UGGT2: variants seen among roughly 807,000 people sequenced by gnomAD.
UGGT2 encodes UDP-glucose:glycoprotein glucosyltransferase 2.
In UGGT2, 180 loss-of-function variants were observed where a neutral mutation model predicts 192.1. That is an observed-to-expected ratio of 0.94 (90% CI 0.83 to 1.06). UGGT2 has a LOEUF of 1.06. Ranked by LOEUF, UGGT2 falls within the 50% of genes least tolerant of loss-of-function variation. The pLI, the probability that UGGT2 is intolerant of heterozygous loss-of-function variation, is 0.00. For synonymous variants in UGGT2, 580 were observed against 591.0 expected, an observed-to-expected ratio of 0.98 and a Z score of 0.27; for missense variants, 1,849 against 1,795.7, an observed-to-expected ratio of 1.03 and a Z score of -0.54.
chr13:95,889,660 T>C (rs2047745100), intron 25 of UGGT2, among the ~76,000 whole-genome samples: 1 of 152,222 alleles, frequency 6.6e-6, no homozygotes, highest in South Asian at 2.1e-4. Context: ...CTAATTTGAA[T>C]GTTTGACATT....
At chr13:95,886,373 G>A (rs1446012932) in intron 26 of UGGT2, among the ~76,000 whole-genome samples, 1 of 152,120 alleles carries the variant, frequency 6.6e-6, no homozygotes, top group African/African-American at 2.4e-5. Context: ...GTATACTCTA[G>A]TACATTATTT....
chr13:95,919,348 G>C (rs1213869507), intron 20 of UGGT2, among the ~76,000 whole-genome samples: 1 of 152,140 alleles, frequency 6.6e-6, no homozygotes, highest in Non-Finnish European at 1.5e-5. Context: ...ATTCAACACA[G>C]TATTGAAAGT....
Position 95,925,764 on chromosome 13 carries a change from T to G in UGGT2, c.2211A>C (p.Ile737=), listed in dbSNP as rs774947033. The part of the protein sequence containing the change: ...MYYLTQDDES[I]ISAVTLWIIA... ...TAATCCAGAGAGTGACTGCAGAAAT[T>G]ATACTCTCATCTGAAAGTTTCAAAC... The change falls in exon 20 of 39, where the codon ATA becomes ATC. Residue 737 remains isoleucine, a synonymous_variant. Transcript: ENST00000376747. The G allele has an allele frequency of 1.9e-6, 3 of 1,542,252 alleles. No homozygotes were observed. Among genetic ancestry groups the G allele is most frequent in the Non-Finnish European group, 2.6e-6 (3 of 1,141,340 alleles).
At chr13:95,997,515 C>T (rs1195050137) in intron 6 of UGGT2, among the ~76,000 whole-genome samples, 1 of 151,896 alleles carries the variant, frequency 6.6e-6, no homozygotes, top group South Asian at 2.1e-4. Flanking sequence ...TGGTGGCAGG[C>T]GCGTGTAATC....
chr13:95,903,088 A>C, intron 20 of UGGT2, 28 bp from the exon 21 acceptor site: 1 of 1,590,152 alleles, frequency 6.3e-7, no homozygotes. Context: ...GATTAAAAAG[A>C]CCAGTATCAT....
chr13:96,039,070 G>A (rs190993154), intron 1 of UGGT2, among the ~76,000 whole-genome samples: 8 of 152,276 alleles, frequency 5.3e-5, no homozygotes, highest in African/African-American at 1.9e-4. Context: ...ACTGGTCACA[G>A]GCAAGTTCAA....
intron 27 of UGGT2, among the ~76,000 whole-genome samples, chr13:95,881,047 G>A (rs529706461): frequency 2.0e-5 from 3 of 152,192 alleles, no homozygotes; most frequent in South Asian, 2.1e-4. Context: ...GGCAGCGGGC[G>A]CCTGCAGTCC....
chr13:95,960,625 T>G (rs577258328), intron 12 of UGGT2, among the ~76,000 whole-genome samples: 2 of 152,284 alleles, frequency 1.3e-5, no homozygotes, highest in East Asian at 3.9e-4. Flanking sequence ...GAAAACCTAT[T>G]TAATGAAATA....
At chr13:95,971,936 T>G (rs2050785683) in intron 11 of UGGT2, among the ~76,000 whole-genome samples, 1 of 152,166 alleles carries the variant, frequency 6.6e-6, no homozygotes, top group African/African-American at 2.4e-5. Context: ...GAATTAAAAC[T>G]GAACATCTGA....
At chr13:95,842,267 C>T (rs564870564) in intron 36 of UGGT2, among the ~76,000 whole-genome samples, 13 of 152,214 alleles carry the variant, frequency 8.5e-5, no homozygotes, top group African/African-American at 2.6e-4. Context: ...GCATTTTCTA[C>T]AATTTTATAT....
In UGGT2 at chr13:95,887,974, A is replaced by G; in HGVS notation, c.2959-3T>C. 1.3e-6 allele frequency: 2 copies of G among 1,584,108 alleles called. No homozygotes were observed. The highest frequency in any genetic ancestry group is 1.7e-6 in the Non-Finnish European group (2 of 1,161,532). On this transcript the variant is annotated splice_polypyrimidine_tract_variant and splice_region_variant and intron_variant, in intron 25 of 38. Transcript: ENST00000376747. ...ATGTTGATAATCTTGCCAAGTACCT[A>G]TTGGAAAGAAATTCCCATGTTTGAT...
chr13:95,877,266 C>T lies in UGGT2; in HGVS notation c.3473+13G>A. 1.9e-6 allele frequency: 3 copies of T among 1,568,196 alleles called. No individual in the cohort carries two copies. The highest frequency in any genetic ancestry group is 2.6e-6 in the Non-Finnish European group (3 of 1,160,988). ...TTATGTGTAAAAATTTAAAAGCAGCCTGCATAACTCACCCAACTATTTGAT... is the reference window on the plus strand; with the variant it reads ...TTATGTGTAAAAATTTAAAAGCAGCTTGCATAACTCACCCAACTATTTGAT... On this transcript the variant is annotated intron_variant, in intron 29 of 38. Transcript: ENST00000376747.
intron 20 of UGGT2, among the ~76,000 whole-genome samples, chr13:95,925,037 A>C (rs2140426592): frequency 6.6e-6 from 1 of 152,370 alleles, no homozygotes; most frequent in South Asian, 2.1e-4. Flanking sequence ...GTTATACAGC[A>C]ATAAATTTAT....
Position 95,979,885 on chromosome 13 carries a change from T to C in UGGT2, c.1092+3919A>G, listed in dbSNP as rs1446973382. Among the ~76,000 whole-genome samples the C allele has an allele frequency of 2.6e-5, 4 of 152,164 alleles. No homozygotes were observed. The South Asian group carries it at 6.2e-4, about 24-fold the overall frequency. ...GATATACAAGTGGGCAACAAGCATA[T>C]GGAAAAATGCTCAACATCACTAAGT... On this transcript the variant is annotated intron_variant, in intron 10 of 38. Coordinates refer to ENST00000376747, the MANE Select transcript of UGGT2 (RefSeq NM_020121.4).
At chr13:95,994,873 A>G (rs1294633427) in intron 7 of UGGT2, among the ~76,000 whole-genome samples, 3 of 152,054 alleles carry the variant, frequency 2.0e-5, no homozygotes, top group Admixed American at 2.0e-4. Context: ...AGGTTTAGCC[A>G]TTCTATAAAT....
At chr13:95,992,929 A>G (rs61972951) in intron 7 of UGGT2, among the ~76,000 whole-genome samples, 5,020 of 152,290 alleles carry the variant, frequency 0.033, 98 homozygotes, top group Non-Finnish European at 0.041. Flanking sequence ...TATTCACCCA[A>G]AGAAAAATAA....
chr13:95,970,125 T>C lies in UGGT2; in HGVS notation c.1322A>G (p.His441Arg), dbSNP rs1566775149. 1.2e-6 allele frequency: 2 copies of C among 1,607,772 alleles called. No homozygotes were observed. Among genetic ancestry groups the C allele is most frequent in the African/African-American group, 1.3e-5 (1 of 74,910 alleles). The change falls in exon 12 of 39, where the codon CAT becomes CGT. Residue 441 changes from histidine to arginine, a missense_variant. By Grantham distance (29) the His-to-Arg change is conservative. Transcript: ENST00000376747. ...WEYTYVLDIR[H>R]SSIMWINDLE... ...ATAAGCACTTACCATTATAGAAGAA[T>C]GTCGAATATCTAATACATAAGTATA...
chr13:95,985,377 A>G, intron 9 of UGGT2: 3 of 862,784 alleles, frequency 3.5e-6, no homozygotes, highest in Non-Finnish European at 3.2e-6. Flanking sequence ...TCAAGGTACC[A>G]CCAAAAAATC....
intron 12 of UGGT2, among the ~76,000 whole-genome samples, chr13:95,952,737 T>C (rs1036507723): frequency 9.2e-5 from 14 of 152,144 alleles, no homozygotes; most frequent in Non-Finnish European, 1.5e-4. Context: ...ATGAAAATCA[T>C]AGCTTATGAG....
Sources: gnomAD v4.1 joint callset for allele counts (sites outside exome capture counted in the v4.1 genomes callset) on GRCh38, gnomAD v4.1.1 for gene constraint, MANE v1.5 for transcripts, NCBI Gene and HGNC (gene_info 2026-07-23, HGNC 2026-07-21) for gene names.